DOCK10: variants seen among roughly 807,000 people sequenced by gnomAD.
DOCK10 encodes dedicator of cytokinesis protein 10.
A neutral mutation model predicts 280.1 loss-of-function variants in DOCK10; 145 were observed. That is an observed-to-expected ratio of 0.52 (90% confidence interval 0.45 to 0.59). The LOEUF (loss-of-function observed/expected upper bound fraction) is 0.59, where lower values mean the gene tolerates loss of function less well. DOCK10 is among the 20% of genes least tolerant of loss of function. DOCK10 has a pLI of 0.00. For synonymous variants in DOCK10, 915 were observed against 942.2 expected, an observed-to-expected ratio of 0.97 and a Z score of 0.53; for missense variants, 2,368 against 2,651.7, an observed-to-expected ratio of 0.89 and a Z score of 2.35.
chr2:224,893,909 A>G (rs1206761953), intron 4 of DOCK10, among the ~76,000 whole-genome samples: 1 of 152,220 alleles, frequency 6.6e-6, no homozygotes, highest in Non-Finnish European at 1.5e-5. Context: ...TTACTGACCT[A>G]AATACATGTA....
At chr2:224,874,813 C>A (rs1487873638) in intron 8 of DOCK10, 62 bp from the exon 9 acceptor site, 1 of 1,464,810 alleles carries the variant, frequency 6.8e-7, no homozygotes, top group Non-Finnish European at 9.6e-7. Flanking sequence ...ATTCTTCTAG[C>A]CTGTGACATG....
intron 3 of DOCK10, among the ~76,000 whole-genome samples, chr2:224,904,062 T>C (rs1700455300): frequency 6.6e-6 from 1 of 152,164 alleles, no homozygotes; most frequent in African/African-American, 2.4e-5. Flanking sequence ...ACATTTAGTG[T>C]AAAAAAATTG....
chr2:224,881,555 AT>A (rs893657581), intron 7 of DOCK10, among the ~76,000 whole-genome samples: 1 of 152,108 alleles, frequency 6.6e-6, no homozygotes, highest in African/African-American at 2.4e-5. Flanking sequence ...TCTGTCTGTA[AT>A]TTTGGACATT....
chr2:224,838,215 T>G (rs764773104), intron 24 of DOCK10, among the ~76,000 whole-genome samples: 15 of 152,256 alleles, frequency 9.9e-5, no homozygotes, highest in Non-Finnish European at 2.1e-4. Context: ...AGACTTTTAA[T>G]TTCAAATTAA....
intron 1 of DOCK10, among the ~76,000 whole-genome samples, chr2:224,996,972 C>T (rs999107575): frequency 2.0e-5 from 3 of 152,196 alleles, no homozygotes; most frequent in Non-Finnish European, 4.4e-5. Flanking sequence ...ACTAGCCACA[C>T]TGACTTCTGA....
intron 53 of DOCK10, among the ~76,000 whole-genome samples, chr2:224,772,535 C>G (rs980693072): frequency 4.6e-5 from 7 of 152,292 alleles, no homozygotes; most frequent in African/African-American, 1.7e-4. Context: ...GACCTCTCAG[C>G]TCCCCTGTCT....
intron 13 of DOCK10, among the ~76,000 whole-genome samples, chr2:224,863,933 T>C (rs892452199): frequency 1.3e-5 from 2 of 152,232 alleles, no homozygotes; most frequent in African/African-American, 4.8e-5. Context: ...TTGTTCATCA[T>C]CAGCATTGCT....
At chr2:224,942,434 A>C (rs1703148140) in intron 1 of DOCK10, among the ~76,000 whole-genome samples, 8 of 152,210 alleles carry the variant, frequency 5.3e-5, no homozygotes, top group Admixed American at 5.2e-4. Flanking sequence ...TTTGTGTTTC[A>C]ACCCTGATTC....
At chr2:224,789,721 C>T (rs189124635) in intron 47 of DOCK10, among the ~76,000 whole-genome samples, 67 of 151,660 alleles carry the variant, frequency 4.4e-4, no homozygotes, top group Non-Finnish European at 7.1e-4. Context: ...GCCTGGGTGA[C>T]GGAGTGAGAC....
chr2:224,850,328 G>T (rs1254100008), intron 18 of DOCK10, among the ~76,000 whole-genome samples: 1 of 152,076 alleles, frequency 6.6e-6, no homozygotes, highest in African/African-American at 2.4e-5. Flanking sequence ...CTATTCACCG[G>T]CTGGGGCTGG....
chr2:224,867,147 A>C (rs1454275683), intron 11 of DOCK10, among the ~76,000 whole-genome samples: 1 of 152,134 alleles, frequency 6.6e-6, no homozygotes, highest in Non-Finnish European at 1.5e-5. Flanking sequence ...ATACTTATTA[A>C]AAACCAGTTA....
chr2:224,858,559 C>T (rs1278337883), intron 14 of DOCK10, among the ~76,000 whole-genome samples: 2 of 152,148 alleles, frequency 1.3e-5, no homozygotes, highest in South Asian at 2.1e-4. Context: ...TAGGCTGAGG[C>T]AGGAGAATCG....
intron 2 of DOCK10, among the ~76,000 whole-genome samples, chr2:224,922,143 AG>A (rs1258664074): frequency 5.2e-4 from 77 of 147,022 alleles, no homozygotes; most frequent in African/African-American, 1.9e-3. Context: ...AAAAAAAAAA[AG>A]TGCAAGGACT....
At chr2:225,014,479 A>T (rs1269363853) in intron 1 of DOCK10, among the ~76,000 whole-genome samples, 1 of 152,088 alleles carries the variant, frequency 6.6e-6, no homozygotes, top group Non-Finnish European at 1.5e-5. Flanking sequence ...GTATTGGATG[A>T]GATTAGTCAT....
chr2:224,765,523 G>A lies in DOCK10; in HGVS notation c.*198C>T. The stretch of plus-strand genomic sequence containing the variant: ...TCATGGCAAATATTCAACCTGGCTT[G>A]ATCAACACTGCTCAAAGAAAAAAAA... On this transcript the variant is annotated 3_prime_UTR_variant, in exon 56 of 56. Transcript: ENST00000258390. 1 of 505,128 alleles carries A rather than the reference G, an allele frequency of 2.0e-6. No individual in the cohort carries two copies. Among genetic ancestry groups the A allele is most frequent in the Non-Finnish European group, 3.5e-6 (1 of 283,936 alleles). 31.3% of individuals were successfully genotyped at this position (505,128 alleles called of 1,614,324 possible).
rs1431868831 is a variant in DOCK10, at chr2:224,919,471, TGA to T, written c.244-2689_244-2688del. 1.3e-5 allele frequency among the ~76,000 whole-genome samples: 2 copies of T among 151,120 alleles called. 1 individual carries two copies. Among genetic ancestry groups the T allele is most frequent in the Admixed American group, 1.3e-4 (2 of 15,178 alleles). On this transcript the variant is annotated intron_variant, in intron 2 of 55. Coordinates refer to ENST00000258390, the MANE Select transcript of DOCK10 (RefSeq NM_014689.3). ...TGTGAATGGGTGTGATGTGTCAGTG[TGA>T]GTGTGGATGGTGTGTATGTGTGGTG...
chr2:224,925,248 C>G (rs573822508), intron 2 of DOCK10, among the ~76,000 whole-genome samples: 3 of 152,038 alleles, frequency 2.0e-5, no homozygotes, highest in Non-Finnish European at 4.4e-5. Context: ...TCAAATCTTT[C>G]TGCTTCCTTT....
chr2:224,997,090 A>T (rs1706291927), intron 1 of DOCK10, among the ~76,000 whole-genome samples: 1 of 152,052 alleles, frequency 6.6e-6, no homozygotes, highest in Admixed American at 6.6e-5. Context: ...CTCACCTCTA[A>T]CTTCAAAATC....
At chr2:224,943,508 T>C (rs1440559758) in intron 1 of DOCK10, among the ~76,000 whole-genome samples, 1 of 152,018 alleles carries the variant, frequency 6.6e-6, no homozygotes, top group Non-Finnish European at 1.5e-5. Flanking sequence ...ATGACTTGAG[T>C]TCAAGATCTA....
Sources: gnomAD v4.1 joint callset for allele counts (sites outside exome capture counted in the v4.1 genomes callset) on GRCh38, gnomAD v4.1.1 for gene constraint, MANE v1.5 for transcripts, NCBI Gene and HGNC (gene_info 2026-07-23, HGNC 2026-07-21) for gene names.